CACNA2D3: variants seen among roughly 807,000 people sequenced by gnomAD.
The protein encoded by CACNA2D3 is calcium voltage-gated channel auxiliary subunit alpha2delta 3.
CACNA2D3 carries 60 observed loss-of-function variants against 160.6 expected under a neutral mutation model. That is an observed-to-expected ratio of 0.37 (90% CI 0.30 to 0.46). The LOEUF (loss-of-function observed/expected upper bound fraction) is 0.46, where lower values mean the gene tolerates loss of function less well. Among genes scored for constraint, CACNA2D3 ranks in the 20% least tolerant of loss-of-function variants. CACNA2D3 has a pLI of 1.00. For missense variants in CACNA2D3, 1,205 were observed against 1,365.0 expected (o/e 0.88, Z 1.85); for synonymous variants, 558 against 492.9 (o/e 1.13, Z -1.75).
At chr3:54,452,334 G>A (rs1237136123) in intron 4 of CACNA2D3, among the ~76,000 whole-genome samples, 1 of 152,212 alleles carries the variant, frequency 6.6e-6, no homozygotes, top group Non-Finnish European at 1.5e-5. Context: ...CAGTATGGGG[G>A]AAATTGCCCC....
intron 13 of CACNA2D3, among the ~76,000 whole-genome samples, chr3:54,773,314 G>A (rs1250862961): frequency 1.3e-5 from 2 of 152,200 alleles, no homozygotes; most frequent in Non-Finnish European, 2.9e-5. Flanking sequence ...CCATCCTAAG[G>A]ATGTTCTTGG....
intron 27 of CACNA2D3, among the ~76,000 whole-genome samples, chr3:54,943,528 T>A (rs1013296010): frequency 1.3e-5 from 2 of 152,252 alleles, no homozygotes; most frequent in African/African-American, 4.8e-5. Flanking sequence ...ACAATCTATG[T>A]ACATTCTCTA....
At chr3:54,671,469 G>A (rs559988522) in intron 11 of CACNA2D3, among the ~76,000 whole-genome samples, 1 of 152,134 alleles carries the variant, frequency 6.6e-6, no homozygotes, top group Non-Finnish European at 1.5e-5. Context: ...TCACTTTGCT[G>A]TTGGGAAGGC....
At chr3:54,505,984 T>C (rs1701362393) in intron 5 of CACNA2D3, among the ~76,000 whole-genome samples, 2 of 152,148 alleles carry the variant, frequency 1.3e-5, no homozygotes, top group Non-Finnish European at 2.9e-5. Flanking sequence ...CCTCCTGGGA[T>C]CTGCCCATCA....
At chr3:55,067,422 A>G (rs1235831103) in intron 35 of CACNA2D3, among the ~76,000 whole-genome samples, 1 of 152,144 alleles carries the variant, frequency 6.6e-6, no homozygotes, top group African/African-American at 2.4e-5. Flanking sequence ...TTGTTTCCCT[A>G]TCTGTAAAAT....
chr3:54,762,223 C>T (rs1294712409), intron 12 of CACNA2D3, among the ~76,000 whole-genome samples: 1 of 152,152 alleles, frequency 6.6e-6, no homozygotes, highest in African/African-American at 2.4e-5. Context: ...CATCTTAACT[C>T]TACCCTCTCT....
intron 2 of CACNA2D3, among the ~76,000 whole-genome samples, chr3:54,141,084 T>TGCGCGTGCGC (rs1392359370): frequency 2.7e-5 from 3 of 112,380 alleles, no homozygotes; most frequent in African/African-American, 1.1e-4. Context: ...TGTGTGTGTG[T>TGCGCGTGCGC]GTGCGCGCGC....
intron 5 of CACNA2D3, among the ~76,000 whole-genome samples, chr3:54,546,890 T>C (rs889587850): frequency 1.4e-4 from 22 of 152,222 alleles, no homozygotes; most frequent in African/African-American, 5.3e-4. Flanking sequence ...GTTTGGATGA[T>C]CAAACATTTA....
At chr3:54,133,151 G>A (rs917638618) in intron 2 of CACNA2D3, among the ~76,000 whole-genome samples, 1 of 152,108 alleles carries the variant, frequency 6.6e-6, no homozygotes, top group African/African-American at 2.4e-5. Flanking sequence ...AGCTCTACAA[G>A]GGGTTTTCGG....
intron 18 of CACNA2D3, among the ~76,000 whole-genome samples, chr3:54,874,208 A>G (rs1699609401): frequency 6.6e-6 from 1 of 152,204 alleles, no homozygotes; most frequent in Admixed American, 6.5e-5. Context: ...AGAAAAAAAG[A>G]CAACAATTTA....
intron 4 of CACNA2D3, among the ~76,000 whole-genome samples, chr3:54,498,012 T>A (rs1701228834): frequency 6.6e-6 from 1 of 151,768 alleles, no homozygotes; most frequent in Admixed American, 6.6e-5. Flanking sequence ...AAGATTTTTG[T>A]ATCTAGGCTT....
intron 11 of CACNA2D3, among the ~76,000 whole-genome samples, chr3:54,656,620 G>A (rs750571843): frequency 6.6e-6 from 1 of 152,216 alleles, no homozygotes; most frequent in Non-Finnish European, 1.5e-5. Context: ...AGTGCCCAGT[G>A]TGCAGAAAAT....
At chr3:54,567,208 G>A (rs1702422394) in intron 6 of CACNA2D3, among the ~76,000 whole-genome samples, 1 of 152,208 alleles carries the variant, frequency 6.6e-6, no homozygotes, top group Non-Finnish European at 1.5e-5. Context: ...CAGCTTCTCA[G>A]AAGACATTTT....
chr3:54,881,796 T>G (rs1183557719), intron 21 of CACNA2D3, among the ~76,000 whole-genome samples: 3 of 152,158 alleles, frequency 2.0e-5, no homozygotes, highest in Non-Finnish European at 2.9e-5. Flanking sequence ...TGATTACACA[T>G]GTATGTGGTG....
At chr3:54,282,333 C>A (rs1702899722) in intron 2 of CACNA2D3, among the ~76,000 whole-genome samples, 1 of 152,170 alleles carries the variant, frequency 6.6e-6, no homozygotes, top group African/African-American at 2.4e-5. Context: ...TGAATAAATA[C>A]AAGCTCATGA....
chr3:54,175,313 T>A (rs9829714), intron 2 of CACNA2D3, among the ~76,000 whole-genome samples: 1 of 151,996 alleles, frequency 6.6e-6, no homozygotes, highest in South Asian at 2.1e-4. Flanking sequence ...GCTGAGAAAT[T>A]AACTCTCAAG....
At chr3:54,848,288 A>G (rs1421584447) in intron 17 of CACNA2D3, among the ~76,000 whole-genome samples, 1 of 152,238 alleles carries the variant, frequency 6.6e-6, no homozygotes, top group African/African-American at 2.4e-5. Context: ...AATGCTGTTC[A>G]TCTCCTAAGA....
At chr3:54,666,895 T>C (rs1575413924) in intron 11 of CACNA2D3, among the ~76,000 whole-genome samples, 1 of 152,186 alleles carries the variant, frequency 6.6e-6, no homozygotes, top group Non-Finnish European at 1.5e-5. Flanking sequence ...GCTCGTCACC[T>C]GGGGCAGCAG....
intron 3 of CACNA2D3, among the ~76,000 whole-genome samples, chr3:54,372,057 G>A (rs1305992648): frequency 6.6e-6 from 1 of 152,118 alleles, no homozygotes; most frequent in African/African-American, 2.4e-5. Flanking sequence ...CCTGACCTAG[G>A]GTAGCATGCC....
Sources: allele counts gnomAD v4.1 joint callset (sites outside exome capture counted in the v4.1 genomes callset), GRCh38; gene constraint gnomAD v4.1.1; transcripts MANE v1.5; gene names NCBI Gene and HGNC (gene_info 2026-07-23, HGNC 2026-07-21).